The following SYT16 variants were observed in gnomAD, a reference collection of about 807,000 sequenced individuals.
SYT16 encodes the protein synaptotagmin 16, also known as synaptotagmin-16.
In SYT16, 42 loss-of-function variants were observed where a neutral mutation model predicts 61.4. The observed-to-expected ratio is 0.68, with a 90% confidence interval of 0.53 to 0.89. The LOEUF (loss-of-function observed/expected upper bound fraction) is 0.89. Ranked by LOEUF, SYT16 falls within the 40% of genes least tolerant of loss-of-function variation. SYT16 has a pLI of 0.00. For missense variants in SYT16, 804 were observed against 807.3 expected (o/e 1.00, Z 0.05); for synonymous variants, 314 against 302.3 (o/e 1.04, Z -0.40).
chr14:61,888,130 T>C (rs1355796771), intron 1 of SYT16, among the ~76,000 whole-genome samples: 14 of 150,092 alleles, frequency 9.3e-5, no homozygotes, highest in Admixed American at 2.6e-4. Context: ...CTTTTCTTTT[T>C]TTTTTTTTTT....
intron 3 of SYT16, among the ~76,000 whole-genome samples, chr14:62,066,533 A>G (rs554863772): frequency 6.6e-6 from 1 of 152,222 alleles, no homozygotes; most frequent in Admixed American, 6.5e-5. Context: ...AAGCCAGAGA[A>G]TACATGTTTT....
intron 3 of SYT16, among the ~76,000 whole-genome samples, chr14:62,047,080 C>T (rs2055025453): frequency 6.6e-6 from 1 of 152,152 alleles, no homozygotes; most frequent in Admixed American, 6.5e-5. Flanking sequence ...TTCTTCCTAC[C>T]CATTAGCATG....
chr14:61,896,618 G>C (rs1355032788), intron 1 of SYT16, among the ~76,000 whole-genome samples: 1 of 152,184 alleles, frequency 6.6e-6, no homozygotes, highest in African/African-American at 2.4e-5. Flanking sequence ...CTGGGTTATA[G>C]ACTACAGAAA....
intron 1 of SYT16, among the ~76,000 whole-genome samples, chr14:61,948,805 C>CT (rs1224373538): frequency 7.9e-5 from 12 of 152,100 alleles, no homozygotes; most frequent in African/African-American, 2.9e-4. Flanking sequence ...AGAGGTGGAA[C>CT]TTTAAGAAAG....
At chr14:61,889,033 A>G (rs563641994) in intron 1 of SYT16, among the ~76,000 whole-genome samples, 3 of 152,192 alleles carry the variant, frequency 2.0e-5, no homozygotes, top group South Asian at 2.1e-4. Flanking sequence ...TAGAGCTGTT[A>G]AAGAAAAAAA....
chr14:61,925,066 G>A (rs1285518999), intron 1 of SYT16, among the ~76,000 whole-genome samples: 1 of 152,216 alleles, frequency 6.6e-6, no homozygotes, highest in Non-Finnish European at 1.5e-5. Flanking sequence ...GTGCTGGGAA[G>A]CGCCCTCTTG....
chr14:62,001,173 A>G (rs1196158650), intron 3 of SYT16, among the ~76,000 whole-genome samples: 1 of 152,042 alleles, frequency 6.6e-6, no homozygotes, highest in Non-Finnish European at 1.5e-5. Flanking sequence ...AATTATCTCA[A>G]CTTTTCTTTG....
chr14:62,081,326 G>A, intron 6 of SYT16, 52 bp downstream of exon 6: 1 of 1,542,984 alleles, frequency 6.5e-7, no homozygotes, highest in Non-Finnish European at 8.8e-7. Flanking sequence ...GAAGACCTGG[G>A]ATTGTCAGCC....
chr14:62,018,394 G>T (rs143194519), intron 3 of SYT16, among the ~76,000 whole-genome samples: 2 of 132,614 alleles, frequency 1.5e-5, no homozygotes, highest in East Asian at 4.8e-4. Flanking sequence ...TGCAACCTCC[G>T]CCTCCCAGGA....
At chr14:62,054,565 T>G (rs1192494604) in intron 3 of SYT16, among the ~76,000 whole-genome samples, 1 of 152,048 alleles carries the variant, frequency 6.6e-6, no homozygotes, top group Non-Finnish European at 1.5e-5. Flanking sequence ...TTTCCTCATG[T>G]TGCCCAGGCT....
chr14:61,844,325 C>T (rs571609146), intron 1 of SYT16, among the ~76,000 whole-genome samples: 2 of 152,112 alleles, frequency 1.3e-5, no homozygotes, highest in Admixed American at 1.3e-4. Flanking sequence ...TCATATCATC[C>T]ACAAATAAGG....
intron 1 of SYT16, among the ~76,000 whole-genome samples, chr14:61,899,345 T>C (rs1312011163): frequency 6.6e-6 from 1 of 152,222 alleles, no homozygotes; most frequent in African/African-American, 2.4e-5. Context: ...TGCCCATGGC[T>C]GTTAGAGAAG....
intron 1 of SYT16, among the ~76,000 whole-genome samples, chr14:61,966,532 G>A (rs1028375014): frequency 6.6e-6 from 1 of 151,892 alleles, no homozygotes; most frequent in Non-Finnish European, 1.5e-5. Flanking sequence ...AAAACAGTGA[G>A]GTCTTTACAA....
intron 1 of SYT16, among the ~76,000 whole-genome samples, chr14:61,951,442 TAA>T (rs2050667210): frequency 6.6e-6 from 1 of 152,218 alleles, no homozygotes; most frequent in South Asian, 2.1e-4. Context: ...ACAATTCTGT[TAA>T]AGTTTTAGTC....
chr14:61,922,648 C>G (rs557160475), intron 1 of SYT16, among the ~76,000 whole-genome samples: 1 of 152,016 alleles, frequency 6.6e-6, no homozygotes, highest in East Asian at 1.9e-4. Context: ...CATTTACTTA[C>G]CTTGAATTTA....
At chr14:61,963,950 A>C (rs371467975) in intron 1 of SYT16, among the ~76,000 whole-genome samples, 2 of 152,140 alleles carry the variant, frequency 1.3e-5, no homozygotes, top group Admixed American at 6.6e-5. Context: ...CAGCACATCT[A>C]TTTATAGGAT....
intron 1 of SYT16, among the ~76,000 whole-genome samples, chr14:61,869,497 A>AGT (rs1290618454): frequency 6.6e-6 from 1 of 152,176 alleles, no homozygotes; most frequent in Non-Finnish European, 1.5e-5. Flanking sequence ...ATAATATTAC[A>AGT]GTGATTTCCA....
intron 1 of SYT16, among the ~76,000 whole-genome samples, chr14:61,926,290 G>T (rs986103407): frequency 1.3e-5 from 2 of 152,130 alleles, no homozygotes; most frequent in African/African-American, 4.8e-5. Flanking sequence ...AAACTCATGG[G>T]AAACACAGTG....
At chr14:61,841,258 C>G (rs2046292901) in intron 1 of SYT16, among the ~76,000 whole-genome samples, 1 of 152,178 alleles carries the variant, frequency 6.6e-6, no homozygotes, top group Non-Finnish European at 1.5e-5. Flanking sequence ...AATCACAGAG[C>G]ATTCATTCTT....
Sources: gnomAD v4.1 joint callset for allele counts (sites outside exome capture counted in the v4.1 genomes callset) on GRCh38, gnomAD v4.1.1 for gene constraint, MANE v1.5 for transcripts, NCBI Gene and HGNC (gene_info 2026-07-23, HGNC 2026-07-21) for gene names.